TAAR5: variants seen among roughly 807,000 people sequenced by gnomAD.
The protein encoded by TAAR5 is trace amine associated receptor 5.
Under a neutral mutation model 21.1 loss-of-function variants are expected in TAAR5, and 27 were observed. The observed-to-expected ratio is 1.28, with a 90% CI of 0.94 to 1.76. The LOEUF (loss-of-function observed/expected upper bound fraction) is 1.76, where lower values mean the gene tolerates loss of function less well. Ranked by LOEUF, TAAR5 falls within the 40% of genes most tolerant of loss-of-function variation. TAAR5 has a pLI of 0.00. For synonymous variants in TAAR5, 203 were observed against 167.5 expected, an observed-to-expected ratio of 1.21 and a Z score of -1.64; for missense variants, 495 against 405.6, an observed-to-expected ratio of 1.22 and a Z score of -1.89.
chr6:132,614,360 A>T, the TAAR5 span, among the ~76,000 whole-genome samples: 2 of 152,362 alleles, frequency 1.3e-5, no homozygotes, highest in African/African-American at 4.8e-5. Context: ...CAACCTTGTC[A>T]AATGAATTTT....
chr6:132,615,993 C>G, the TAAR5 span, among the ~76,000 whole-genome samples: 1 of 151,518 alleles, frequency 6.6e-6, no homozygotes, highest in African/African-American at 2.4e-5. Context: ...TATCTATTTT[C>G]TTCTATTCTA....
At chr6:132,614,819 AC>A in the TAAR5 span, among the ~76,000 whole-genome samples, 3 of 151,900 alleles carry the variant, frequency 2.0e-5, no homozygotes, top group Non-Finnish European at 4.4e-5. Flanking sequence ...ATATTGAAAT[AC>A]CCTGGGTTTT....
the TAAR5 span, chr6:132,608,395 A>G: frequency 9.0e-5 from 41 of 455,944 alleles, no homozygotes; most frequent in East Asian, 1.8e-3. Flanking sequence ...CCGGAGCCAC[A>G]CTAAAAGATC....
At chr6:132,597,153 T>C in the TAAR5 span, among the ~76,000 whole-genome samples, 5 of 152,078 alleles carry the variant, frequency 3.3e-5, no homozygotes, top group African/African-American at 4.8e-5. Context: ...AAAGTGAATT[T>C]ATTTATTTAT....
At chr6:132,613,623 A>G in the TAAR5 span, among the ~76,000 whole-genome samples, 1 of 152,226 alleles carries the variant, frequency 6.6e-6, no homozygotes, top group Non-Finnish European at 1.5e-5. Context: ...ACATTTGGAA[A>G]AAGTCAGATT....
At chr6:132,600,150 C>T in the TAAR5 span, among the ~76,000 whole-genome samples, 1 of 152,142 alleles carries the variant, frequency 6.6e-6, no homozygotes, top group Non-Finnish European at 1.5e-5. Flanking sequence ...GGGAAGGATG[C>T]TACCCAGCTA....
At chr6:132,604,803 T>C in the TAAR5 span, among the ~76,000 whole-genome samples, 1 of 152,130 alleles carries the variant, frequency 6.6e-6, no homozygotes, top group Non-Finnish European at 1.5e-5. Context: ...TAAAGGACCA[T>C]TTACTAGGGT....
At chr6:132,591,628 T>A (rs897968600), upstream of TAAR5, among the ~76,000 whole-genome samples, 5 of 152,174 alleles carry the variant, frequency 3.3e-5, no homozygotes, top group Middle Eastern at 3.2e-3. Context: ...AGCTTAAAAG[T>A]CATAATCCAC....
the TAAR5 span, among the ~76,000 whole-genome samples, chr6:132,601,809 A>AT: frequency 2.6e-5 from 4 of 152,182 alleles, no homozygotes; most frequent in South Asian, 4.1e-4. Context: ...ATATTTTGCC[A>AT]TTTTTTAAAA....
chr6:132,612,385 A>G, the TAAR5 span, among the ~76,000 whole-genome samples: 2 of 152,322 alleles, frequency 1.3e-5, no homozygotes, highest in East Asian at 3.9e-4. Context: ...AAATGTCCCT[A>G]TAAATGAATG....
chr6:132,594,622 C>A (rs1776951725), upstream of TAAR5: 1 of 152,196 alleles, frequency 6.6e-6, no homozygotes, highest in Non-Finnish European at 1.5e-5. Flanking sequence ...GCAGCCAGCA[C>A]AACACAAACA....
chr6:132,595,891 A>C, the TAAR5 span, among the ~76,000 whole-genome samples: 1 of 152,206 alleles, frequency 6.6e-6, no homozygotes, highest in East Asian at 1.9e-4. Context: ...TGATCTGAAT[A>C]TTATGCTGAT....
the TAAR5 span, among the ~76,000 whole-genome samples, chr6:132,603,570 T>C: frequency 6.6e-6 from 1 of 151,902 alleles, no homozygotes; most frequent in South Asian, 2.1e-4. Context: ...TATATATTTG[T>C]CATTTATAAT....
At chr6:132,594,935 G>A in the TAAR5 span, 2 of 152,156 alleles carry the variant, frequency 1.3e-5, no homozygotes, top group Non-Finnish European at 2.9e-5. Flanking sequence ...GAGAATACCA[G>A]GCCAAAGGCA....
At chr6:132,596,073 T>C in the TAAR5 span, among the ~76,000 whole-genome samples, 2 of 152,176 alleles carry the variant, frequency 1.3e-5, no homozygotes, top group Admixed American at 1.3e-4. Context: ...ATCACAAAGT[T>C]ATAGGTGAAT....
the TAAR5 span, among the ~76,000 whole-genome samples, chr6:132,616,506 T>C: frequency 1.4e-3 from 220 of 152,314 alleles, no homozygotes; most frequent in Non-Finnish European, 1.9e-3. Flanking sequence ...GCTGCTGTGA[T>C]TAGGATGGCT....
the TAAR5 span, among the ~76,000 whole-genome samples, chr6:132,612,248 G>A: frequency 6.6e-6 from 1 of 152,152 alleles, no homozygotes; most frequent in Admixed American, 6.6e-5. Flanking sequence ...CAGTATCTAA[G>A]TTAAGGCTTC....
At position 132,589,567 on chromosome 6, in the gene TAAR5, G is replaced by A; in HGVS notation, c.120C>T (p.Ala40=). ...TLGIQLVIYL[A]CAAGMLIIVL... is the part of the protein sequence containing the mutation. ...CGATAATCAGCATGCCTGCTGCACA[G>A]GCCAGGTAGATGACCAACTGGATGC... Residue 40 remains alanine (A), a synonymous_variant, in exon 1 of 1, where the codon GCC becomes GCT. Transcript: ENST00000258034. 6.2e-7 allele frequency: 1 copy of A among 1,613,928 alleles called. No individual in the cohort carries two copies. The highest frequency in any genetic ancestry group is 8.5e-7 in the Non-Finnish European group (1 of 1,179,942).
the TAAR5 span, among the ~76,000 whole-genome samples, chr6:132,611,037 T>A: frequency 6.6e-6 from 1 of 152,190 alleles, no homozygotes. Flanking sequence ...CTATGAATGG[T>A]ACTTGCAGTC....
Sources: allele counts gnomAD v4.1 joint callset (sites outside exome capture counted in the v4.1 genomes callset), GRCh38; gene constraint gnomAD v4.1.1; transcripts MANE v1.5; gene names NCBI Gene and HGNC (gene_info 2026-07-23, HGNC 2026-07-21).